The following SLC35F4 variants were observed in gnomAD, a reference collection of about 807,000 sequenced individuals.
SLC35F4 encodes the protein solute carrier family 35 member F4, also known as chromosome 14 open reading frame 36.
A neutral mutation model predicts 44.2 loss-of-function variants in SLC35F4; 24 were observed. The observed-to-expected ratio is 0.54, with a 90% confidence interval of 0.39 to 0.76. SLC35F4 has a LOEUF of 0.76. SLC35F4 is among the 30% of genes least tolerant of loss of function. The pLI, the probability that SLC35F4 is intolerant of heterozygous loss-of-function variation, is 0.00. For missense variants in SLC35F4, 562 were observed against 586.1 expected, an observed-to-expected ratio of 0.96 and a Z score of 0.42; for synonymous variants, 238 against 223.6, an observed-to-expected ratio of 1.06 and a Z score of -0.57.
At chr14:57,580,076 T>C (rs145823979) in intron 4 of SLC35F4, among the ~76,000 whole-genome samples, 38 of 152,324 alleles carry the variant, frequency 2.5e-4, no homozygotes, top group African/African-American at 8.4e-4. Flanking sequence ...TTGGATATAC[T>C]GTAATGGTAT....
intron 1 of SLC35F4, among the ~76,000 whole-genome samples, chr14:57,652,407 C>T (rs1212628146): frequency 3.3e-5 from 5 of 152,118 alleles, no homozygotes; most frequent in Non-Finnish European, 7.4e-5. Context: ...CTCATTTTGT[C>T]CCAGGAGGAA....
intron 1 of SLC35F4, among the ~76,000 whole-genome samples, chr14:57,809,384 C>T (rs974441570): frequency 1.2e-4 from 18 of 152,258 alleles, no homozygotes; most frequent in Admixed American, 3.9e-4. Flanking sequence ...AGAAGTGATT[C>T]ATGGCATTTG....
At chr14:57,580,471 C>A in intron 4 of SLC35F4, 1 of 332,024 alleles carries the variant, frequency 3.0e-6, no homozygotes. Flanking sequence ...TCAATATGTT[C>A]ATCATAGTGG....
chr14:57,978,600 A>G (rs750233109), intron 1 of SLC35F4, among the ~76,000 whole-genome samples: 1 of 152,236 alleles, frequency 6.6e-6, no homozygotes, highest in Non-Finnish European at 1.5e-5. Flanking sequence ...ACTAACCTGT[A>G]GGGTTGGAAC....
At chr14:57,783,222 C>A (rs1339335457) in intron 1 of SLC35F4, among the ~76,000 whole-genome samples, 1 of 151,870 alleles carries the variant, frequency 6.6e-6, no homozygotes, top group Non-Finnish European at 1.5e-5. Context: ...GATGAAGTAT[C>A]TAAAGCTGGA....
chr14:57,662,252 T>G (rs539787732), intron 1 of SLC35F4, among the ~76,000 whole-genome samples: 2 of 152,162 alleles, frequency 1.3e-5, no homozygotes, highest in Non-Finnish European at 2.9e-5. Flanking sequence ...TATTTCCTAG[T>G]GCCCATTGGA....
intron 1 of SLC35F4, among the ~76,000 whole-genome samples, chr14:57,641,741 T>C (rs1002249919): frequency 3.3e-5 from 5 of 152,042 alleles, no homozygotes; most frequent in African/African-American, 1.2e-4. Context: ...GAACAGCTAT[T>C]ACACTGCAGC....
In SLC35F4 at chr14:57,689,475, G is replaced by A. The variant is rs537740592; in HGVS notation, c.104-95351C>T. Among the ~76,000 whole-genome samples the A allele has an allele frequency of 4.6e-5, 7 of 152,130 alleles. No homozygotes were observed. In the South Asian group the frequency reaches 1.5e-3, roughly 32 times the overall value. On this transcript the variant is annotated intron_variant, in intron 1 of 7. Coordinates refer to ENST00000556826, the MANE Select transcript of SLC35F4 (RefSeq NM_001306087.2). ...CAAATAGCAACAAACAACAGAGCAG[G>A]AAGAACAAAAAAACCCTGCTCCCGG...
chr14:57,571,759 G>T, intron 5 of SLC35F4, 135 bp downstream of exon 5: 7 of 1,260,888 alleles, frequency 5.6e-6, no homozygotes, highest in Non-Finnish European at 7.4e-6. Context: ...CACATAACAA[G>T]TAGTTAATTT....
intron 7 of SLC35F4, among the ~76,000 whole-genome samples, chr14:57,565,460 T>C (rs2068160221): frequency 6.6e-6 from 1 of 152,210 alleles, no homozygotes; most frequent in African/African-American, 2.4e-5. Flanking sequence ...ACTCAATTTT[T>C]TTTCCTTTTG....
chr14:57,967,018 A>G (rs981359255), intron 1 of SLC35F4, among the ~76,000 whole-genome samples: 1 of 152,132 alleles, frequency 6.6e-6, no homozygotes, highest in African/African-American at 2.4e-5. Flanking sequence ...TCAAAAAAAA[A>G]AAGAAGAAAA....
chr14:57,911,355 C>T (rs1889213099), intron 1 of SLC35F4, among the ~76,000 whole-genome samples: 1 of 151,960 alleles, frequency 6.6e-6, no homozygotes, highest in African/African-American at 2.4e-5. Flanking sequence ...ACATCTTCAC[C>T]TTGTTCCTCA....
chr14:57,839,592 CT>C (rs1363808638), intron 1 of SLC35F4, among the ~76,000 whole-genome samples: 2 of 151,990 alleles, frequency 1.3e-5, no homozygotes, highest in Non-Finnish European at 2.9e-5. Context: ...ACACTGGGGC[CT>C]TTTCAGGGAG....
chr14:57,800,387 C>G (rs943969967), intron 1 of SLC35F4, among the ~76,000 whole-genome samples: 3 of 152,176 alleles, frequency 2.0e-5, no homozygotes, highest in Admixed American at 2.0e-4. Context: ...CTGAAGGCAG[C>G]TAAGCCCACA....
At chr14:57,720,362 T>A (rs947416472) in intron 1 of SLC35F4, among the ~76,000 whole-genome samples, 2 of 152,182 alleles carry the variant, frequency 1.3e-5, no homozygotes, top group Non-Finnish European at 2.9e-5. Context: ...GAGTTTGGAG[T>A]ATTCCTTCCT....
At chr14:57,890,425 C>T (rs894238136) in intron 1 of SLC35F4, among the ~76,000 whole-genome samples, 1 of 152,158 alleles carries the variant, frequency 6.6e-6, no homozygotes, top group African/African-American at 2.4e-5. Context: ...CAGAAACCAA[C>T]AAAGCAAGAA....
rs115958940 is a variant in SLC35F4 at position 57,978,024 on chromosome 14, A to C, written n.152-1067T>G. Among the ~76,000 whole-genome samples the C allele has an allele frequency of 1.5e-3, 230 of 152,324 alleles. 2 individuals carry two copies. The highest frequency in any genetic ancestry group is 5.2e-3 in the African/African-American group (218 of 41,570). On this transcript the variant is annotated intron_variant and non_coding_transcript_variant, in intron 1 of 1. Transcript: ENST00000554648. ...GATTCGAGAAAAGAAAGTCTGGAGA[A>C]AGGGCATGTGAATAAACCCACAGAA...
intron 1 of SLC35F4, among the ~76,000 whole-genome samples, chr14:57,903,867 C>A (rs1162789382): frequency 6.6e-6 from 1 of 152,192 alleles, no homozygotes; most frequent in Non-Finnish European, 1.5e-5. Flanking sequence ...TATGACCCAA[C>A]AATAGATTTT....
intron 1 of SLC35F4, among the ~76,000 whole-genome samples, chr14:57,808,714 GA>G (rs1389681823): frequency 3.3e-5 from 5 of 152,196 alleles, no homozygotes; most frequent in Non-Finnish European, 5.9e-5. Context: ...GCTGAGGAAG[GA>G]GGATCCCTTG....
Sources: allele counts gnomAD v4.1 joint callset (sites outside exome capture counted in the v4.1 genomes callset), GRCh38; gene constraint gnomAD v4.1.1; transcripts MANE v1.5; gene names NCBI Gene and HGNC (gene_info 2026-07-23, HGNC 2026-07-21).